ATRN: variants seen among roughly 807,000 people sequenced by gnomAD.
ATRN encodes the protein attractin, also known as attractin-2.
ATRN carries 54 observed loss-of-function variants against 178.7 expected under a neutral mutation model. The observed-to-expected ratio is 0.30, with a 90% CI of 0.24 to 0.38. The LOEUF (loss-of-function observed/expected upper bound fraction) is 0.38. Ranked by LOEUF, ATRN falls within the 10% of genes least tolerant of loss-of-function variation. The pLI, the probability that ATRN is intolerant of heterozygous loss-of-function variation, is 1.00. For synonymous variants in ATRN, 636 were observed against 663.0 expected (o/e 0.96, Z 0.63); for missense variants, 1,443 against 1,815.1 (o/e 0.79, Z 3.73).
intron 1 of ATRN, among the ~76,000 whole-genome samples, chr20:3,512,085 T>TTATATATATATATA (rs1212714416): frequency 2.5e-5 from 3 of 119,786 alleles, no homozygotes; most frequent in African/African-American, 3.6e-5. Context: ...CTTTTTTCTT[T>TTATATATATATATA]TATATATATA....
chr20:3,603,304 A>G (rs1023230463), intron 23 of ATRN, among the ~76,000 whole-genome samples: 8 of 152,106 alleles, frequency 5.3e-5, no homozygotes, highest in African/African-American at 1.7e-4. Flanking sequence ...AGTCTGGCGC[A>G]TTGCCAAGGA....
chr20:3,562,394 T>A lies in ATRN; in HGVS notation c.1566T>A (p.Ala522=). ...TATACGTTCATGGTGGCTACAAGGC[T>A]TTCAGTGCCAATAAGTACCGGCTTG... is the stretch of plus-strand genomic sequence containing the variant. The part of the protein sequence containing the change: ...RALYVHGGYK[A]FSANKYRLAD... The change falls in exon 9 of 29, where the codon GCT becomes GCA. Residue 522 remains alanine (A), a synonymous_variant. Transcript: ENST00000262919. The A allele has an allele frequency of 6.2e-7, 1 of 1,614,164 alleles. No individual in the cohort carries two copies. The highest frequency in any genetic ancestry group is 1.1e-5 in the South Asian group (1 of 91,082).
chr20:3,488,418 A>G (rs1176872878), intron 1 of ATRN, among the ~76,000 whole-genome samples: 4 of 152,048 alleles, frequency 2.6e-5, no homozygotes, highest in Admixed American at 2.6e-4. Flanking sequence ...GCATATTCAG[A>G]TTCACATTTA....
At chr20:3,503,221 C>T (rs2084988081) in intron 1 of ATRN, among the ~76,000 whole-genome samples, 2 of 152,134 alleles carry the variant, frequency 1.3e-5, no homozygotes, top group African/African-American at 2.4e-5. Context: ...CCAAGATACT[C>T]GTGCTAAAAC....
intron 1 of ATRN, among the ~76,000 whole-genome samples, chr20:3,495,373 G>A (rs2084863990): frequency 6.6e-6 from 1 of 152,144 alleles, no homozygotes; most frequent in South Asian, 2.1e-4. Context: ...TTCCACTCAA[G>A]AGGGGTTTGT....
intron 1 of ATRN, among the ~76,000 whole-genome samples, chr20:3,513,316 T>A (rs1339450953): frequency 6.6e-6 from 1 of 152,262 alleles, no homozygotes; most frequent in African/African-American, 2.4e-5. Context: ...CAGTTTCAGC[T>A]TTCTACATAT....
chr20:3,572,656 A>G, intron 11 of ATRN, 75 bp from the exon 12 acceptor site: 2 of 1,254,378 alleles, frequency 1.6e-6, no homozygotes, highest in Non-Finnish European at 2.2e-6. Context: ...GTCTCTTAAA[A>G]AAAAAAAAAA....
intron 6 of ATRN, among the ~76,000 whole-genome samples, chr20:3,553,931 G>C (rs568682631): frequency 6.6e-6 from 1 of 152,150 alleles, no homozygotes; most frequent in South Asian, 2.1e-4. Context: ...TGTTGTACTT[G>C]CTCTTTGTCT....
intron 11 of ATRN, among the ~76,000 whole-genome samples, chr20:3,571,775 TTTG>T (rs781622987): frequency 1.2e-4 from 19 of 152,174 alleles, no homozygotes; most frequent in Non-Finnish European, 2.6e-4. Context: ...TAGCATATCA[TTTG>T]TTTTTTTACT....
chr20:3,555,418 G>A (rs1328878030), intron 6 of ATRN, among the ~76,000 whole-genome samples: 1 of 152,176 alleles, frequency 6.6e-6, no homozygotes, highest in African/African-American at 2.4e-5. Flanking sequence ...GTTTTTGACT[G>A]TAACTGAAGA....
At chr20:3,556,199 A>G (rs235586) in intron 6 of ATRN, among the ~76,000 whole-genome samples, 147,725 of 152,278 alleles carry the variant, frequency 0.97, 71,703 homozygotes, top group East Asian at 1. Context: ...CTATAATTGC[A>G]GTCACTGAAG....
chr20:3,528,600 G>T (rs1463203881), intron 1 of ATRN, among the ~76,000 whole-genome samples: 1 of 151,982 alleles, frequency 6.6e-6, no homozygotes, highest in Non-Finnish European at 1.5e-5. Flanking sequence ...GTGGAGAGTG[G>T]GAGGAGAGTA....
At chr20:3,555,040 G>A (rs187377611) in intron 6 of ATRN, among the ~76,000 whole-genome samples, 3 of 109,452 alleles carry the variant, frequency 2.7e-5, no homozygotes, top group South Asian at 3.3e-4. Flanking sequence ...TCTCGCTGTC[G>A]CCCAGGCTGG....
chr20:3,636,434 A>C (rs1035348799), intron 26 of ATRN, among the ~76,000 whole-genome samples: 7 of 152,228 alleles, frequency 4.6e-5, no homozygotes, highest in African/African-American at 1.7e-4. Context: ...ATTGAAACTC[A>C]ATATCCATTC....
intron 6 of ATRN, among the ~76,000 whole-genome samples, chr20:3,556,884 C>T (rs2085884500): frequency 6.6e-6 from 1 of 152,102 alleles, no homozygotes; most frequent in African/African-American, 2.4e-5. Context: ...CCTGCCAGCA[C>T]CTATGTGTCT....
intron 1 of ATRN, 137 bp from the exon 2 acceptor site, chr20:3,535,116 G>A (rs2085507184): frequency 3.7e-6 from 1 of 267,224 alleles, no homozygotes; most frequent in African/African-American, 2.3e-5. Flanking sequence ...TATAGTGTTT[G>A]TTAATGTACC....
At chr20:3,485,810 C>T (rs541444373) in intron 1 of ATRN, among the ~76,000 whole-genome samples, 1 of 151,340 alleles carries the variant, frequency 6.6e-6, no homozygotes, top group South Asian at 2.1e-4. Flanking sequence ...TTAGTAGAGA[C>T]GGGGTTTCAC....
chr20:3,591,022 A>G lies in ATRN; in HGVS notation c.3185-147A>G. 4 of 849,022 alleles carry G rather than the reference A, an allele frequency of 4.7e-6. No homozygotes were observed. The South Asian group carries it at 1.1e-4, about 24-fold the overall frequency. The allele number at this position is 849,022 out of a possible 1,614,324, so 52.6% of individuals were successfully genotyped here. A position where few individuals can be genotyped will look rare whatever the true frequency, so the allele number is the denominator to read the frequency against. On this transcript the variant is annotated intron_variant, in intron 18 of 28. Transcript: ENST00000262919. The stretch of plus-strand genomic sequence containing the variant: ...GCTCTTCTTTGATATTTTTTATCTT[A>G]TTTCTCAAATTAGTTTTTAGTGGGC...
intron 3 of ATRN, among the ~76,000 whole-genome samples, chr20:3,543,655 G>A (rs1012000151): frequency 5.3e-5 from 8 of 151,998 alleles, no homozygotes; most frequent in African/African-American, 9.6e-5. Context: ...AACCAGGGAG[G>A]TGGAGGTTGC....
Sources: gnomAD v4.1 joint callset for allele counts (sites outside exome capture counted in the v4.1 genomes callset) on GRCh38, gnomAD v4.1.1 for gene constraint, MANE v1.5 for transcripts, NCBI Gene and HGNC (gene_info 2026-07-23, HGNC 2026-07-21) for gene names.